ARHGEF10: variants seen among roughly 807,000 people sequenced by gnomAD.
ARHGEF10 encodes Rho guanine nucleotide exchange factor 10, also known as Rho guanine nucleotide exchange factor (GEF) 10.
A neutral mutation model predicts 147.4 loss-of-function variants in ARHGEF10; 140 were observed. The observed-to-expected ratio is 0.95, with a 90% CI of 0.83 to 1.09. The LOEUF is 1.09. ARHGEF10 is among the 50% of genes least tolerant of loss of function. The pLI is 0.00. For missense variants in ARHGEF10, 2,222 were observed against 1,752.7 expected, an observed-to-expected ratio of 1.27 and a Z score of -4.78; for synonymous variants, 902 against 695.8, an observed-to-expected ratio of 1.30 and a Z score of -4.67.
rs142368224 is a variant in ARHGEF10 at position 1,841,335 on chromosome 8, G to T, written c.-47-2018G>T. On this transcript the variant is annotated intron_variant, in intron 1 of 28. Transcript: ENST00000349830. ...CAGCCCAGGAGCCTGGATTCAGGCT[G>T]CCCTGAACGCACACTGATGAGCAGC... Among the ~76,000 whole-genome samples the T allele has an allele frequency of 3.3e-5, 5 of 152,374 alleles. No homozygotes were observed. The East Asian group carries it at 9.7e-4, about 29-fold the overall frequency.
intron 11 of ARHGEF10, among the ~76,000 whole-genome samples, chr8:1,890,254 G>T (rs1477980510): frequency 2.1e-5 from 3 of 146,038 alleles, no homozygotes; most frequent in Non-Finnish European, 4.5e-5. Flanking sequence ...GGCACTGAGG[G>T]TTGTGGATTG....
intron 7 of ARHGEF10, among the ~76,000 whole-genome samples, chr8:1,871,885 GCAGAGT>G (rs1166641640): frequency 6.6e-6 from 1 of 152,164 alleles, no homozygotes; most frequent in African/African-American, 2.4e-5. Flanking sequence ...CGAAAGAGCA[GCAGAGT>G]CAAAGGAAGT....
Position 1,923,464 on chromosome 8 carries a change from G to A in ARHGEF10, c.2260-4G>A, listed in dbSNP as rs759439231. ...TGAAATGTGCGTATTTATTTCCTTT[G>A]TAGAACTTAAACCAGTCAGTAGCCC... is the stretch of plus-strand genomic sequence containing the variant. On this transcript the variant is annotated splice_region_variant and splice_polypyrimidine_tract_variant and intron_variant, in intron 19 of 28. Coordinates refer to ENST00000349830, the MANE Select transcript of ARHGEF10 (RefSeq NM_014629.4). The A allele has an allele frequency of 6.2e-7, 1 of 1,613,986 alleles. No homozygotes were observed.
Position 1,880,079 on chromosome 8 carries a change from A to G in ARHGEF10, c.875A>G (p.His292Arg). Reference protein sequence around the residue: ...LSHDLTRLKEHYEKKMRDLMA... With the variant: ...LSHDLTRLKERYEKKMRDLMA... ...CATGACCTAACCCGTTTAAAGGAGCACTATGAGAAAAAGATGAGAGATTTG... is the reference window on the plus strand; with the variant it reads ...CATGACCTAACCCGTTTAAAGGAGCGCTATGAGAAAAAGATGAGAGATTTG... Residue 292 changes from histidine to arginine, a missense_variant, in exon 9 of 29, where the codon CAC (histidine) becomes CGC (arginine). By Grantham distance (29) the His-to-Arg change is conservative. Coordinates refer to ENST00000349830, the MANE Select transcript of ARHGEF10 (RefSeq NM_014629.4). 6 of 1,613,968 alleles carry G rather than the reference A, an allele frequency of 3.7e-6. No homozygotes were observed. Among genetic ancestry groups the G allele is most frequent in the South Asian group, 3.3e-5 (3 of 91,088 alleles).
intron 1 of ARHGEF10, among the ~76,000 whole-genome samples, chr8:1,842,901 C>T (rs1804204656): frequency 6.6e-6 from 1 of 152,210 alleles, no homozygotes. Flanking sequence ...GGGCCCTAAG[C>T]ACCACGCCTA....
intron 1 of ARHGEF10, among the ~76,000 whole-genome samples, chr8:1,835,543 T>C (rs940052665): frequency 2.0e-5 from 3 of 152,216 alleles, no homozygotes; most frequent in Non-Finnish European, 4.4e-5. Context: ...CAGCTCATGC[T>C]AGCACGCTCA....
intron 28 of ARHGEF10, 85 bp from the exon 29 acceptor site, chr8:1,956,664 T>G: frequency 6.8e-7 from 1 of 1,469,822 alleles, no homozygotes; most frequent in South Asian, 1.1e-5. Context: ...AGGAATGCGT[T>G]GGGGTTAAGC....
intron 11 of ARHGEF10, among the ~76,000 whole-genome samples, chr8:1,892,635 G>C (rs894649794): frequency 2.0e-5 from 3 of 152,052 alleles, no homozygotes; most frequent in African/African-American, 7.2e-5. Flanking sequence ...ACCCGTGTGT[G>C]TGCATGTGTG....
intron 18 of ARHGEF10, among the ~76,000 whole-genome samples, chr8:1,922,175 G>C (rs1391438369): frequency 6.6e-6 from 1 of 151,782 alleles, no homozygotes; most frequent in Non-Finnish European, 1.5e-5. Context: ...CCCTCTGTGA[G>C]GGGTAGAGCA....
chr8:1,826,615 C>T (rs1267083403), intron 1 of ARHGEF10, among the ~76,000 whole-genome samples: 2 of 152,122 alleles, frequency 1.3e-5, no homozygotes, highest in Non-Finnish European at 2.9e-5. Flanking sequence ...GGAAGTGCTG[C>T]TTAAAACAAA....
chr8:1,882,394 T>C (rs888622639), intron 9 of ARHGEF10, among the ~76,000 whole-genome samples: 1 of 152,188 alleles, frequency 6.6e-6, no homozygotes, highest in African/African-American at 2.4e-5. Context: ...GGATCACATA[T>C]AATACCATAA....
chr8:1,923,752 G>C (rs559036533), intron 20 of ARHGEF10, 22 bp from the exon 21 acceptor site: 1 of 1,614,068 alleles, frequency 6.2e-7, no homozygotes, highest in South Asian at 1.1e-5. Context: ...TAAAATGAAT[G>C]CTTGTCTGTT....
intron 20 of ARHGEF10, 25 bp from the exon 21 acceptor site, chr8:1,923,749 A>C (rs372460234): frequency 2.5e-6 from 4 of 1,613,966 alleles, no homozygotes; most frequent in Non-Finnish European, 3.4e-6. Flanking sequence ...TTATAAAATG[A>C]ATGCTTGTCT....
intron 8 of ARHGEF10, among the ~76,000 whole-genome samples, chr8:1,877,477 C>T (rs930157748): frequency 9.9e-5 from 15 of 152,220 alleles, no homozygotes; most frequent in African/African-American, 3.6e-4. Context: ...ATCTGCCCAC[C>T]TCGGCCTCCC....
intron 2 of ARHGEF10, 137 bp from the exon 3 acceptor site, chr8:1,857,823 A>C: frequency 4.1e-5 from 30 of 728,736 alleles, no homozygotes; most frequent in Admixed American, 5.2e-5. Flanking sequence ...GTTAACTACA[A>C]GCGCAGTACA....
At chr8:1,864,547 G>T in intron 5 of ARHGEF10, 111 bp downstream of exon 5, 1 of 1,166,620 alleles carries the variant, frequency 8.6e-7, no homozygotes, top group East Asian at 2.4e-5. Context: ...TCTGCGCGGC[G>T]GGAGCTGTCC....
intron 27 of ARHGEF10, chr8:1,946,024 G>A (rs1407923349): frequency 2.5e-6 from 1 of 403,980 alleles, no homozygotes; most frequent in Non-Finnish European, 4.7e-6. Context: ...ACACAGAACA[G>A]GAGGCCTCCC....
intron 21 of ARHGEF10, 126 bp from the exon 22 acceptor site, chr8:1,925,157 A>G (rs1812587546): frequency 8.6e-7 from 1 of 1,157,744 alleles, no homozygotes; most frequent in Non-Finnish European, 1.3e-6. Context: ...CAAGTAAAAC[A>G]TGGCGTTGTC....
intron 2 of ARHGEF10, 139 bp from the exon 3 acceptor site, chr8:1,857,821 C>T: frequency 2.6e-6 from 2 of 761,048 alleles, no homozygotes; most frequent in East Asian, 2.7e-5. Flanking sequence ...AGGTTAACTA[C>T]AAGCGCAGTA....
Sources: gnomAD v4.1 joint callset for allele counts (sites outside exome capture counted in the v4.1 genomes callset) on GRCh38, gnomAD v4.1.1 for gene constraint, MANE v1.5 for transcripts, NCBI Gene and HGNC (gene_info 2026-07-23, HGNC 2026-07-21) for gene names.